Variants in TTYH1 observed in about 807,000 individuals in gnomAD.
TTYH1 encodes the protein protein tweety homolog 1.
TTYH1 carries 33 observed loss-of-function variants against 61.2 expected under a neutral mutation model. The observed-to-expected ratio is 0.54, with a 90% confidence interval of 0.41 to 0.72. The LOEUF (loss-of-function observed/expected upper bound fraction) is 0.72, where lower values mean the gene tolerates loss of function less well. Among genes scored for constraint, TTYH1 ranks in the 30% least tolerant of loss-of-function variants. The pLI is 0.00. For synonymous variants in TTYH1, 308 were observed against 266.4 expected, an observed-to-expected ratio of 1.16 and a Z score of -1.52; for missense variants, 538 against 575.8, an observed-to-expected ratio of 0.93 and a Z score of 0.67.
chr19:54,428,577 C>T (rs189058993), intron 5 of TTYH1, among the ~76,000 whole-genome samples: 5 of 152,210 alleles, frequency 3.3e-5, no homozygotes, highest in Admixed American at 6.5e-5. Flanking sequence ...GGTTGGACCA[C>T]TTGCTCAGGG....
rs1235149968 is a variant in TTYH1, at chr19:54,421,292, C to T, written c.321C>T (p.Ile107=). ...ALLAGCTGIG[I]GFYGNSETSD... is the part of the protein sequence containing the mutation. ...CTCCGCTCAGCACTGGCATTGGCAT[C>T]GGTTTCTATGGCAACAGTGAGACCA... is the stretch of plus-strand genomic sequence containing the variant. Residue 107 remains isoleucine, a synonymous_variant, in exon 3 of 14, where the codon ATC becomes ATT. Transcript: ENST00000376530. This position sits in a 1 kb window ranked among gnomAD's most constrained non-coding sequence, Gnocchi z 4.8. 3.1e-6 allele frequency: 5 copies of T among 1,612,704 alleles called. No homozygotes were observed. Among genetic ancestry groups the T allele is most frequent in the Admixed American group, 1.7e-5 (1 of 59,994 alleles).
At position 54,419,312 on chromosome 19, in the gene TTYH1, G is replaced by C. The variant is rs1273170150; in HGVS notation, c.305+6G>C. 6.3e-7 allele frequency: 1 copy of C among 1,594,216 alleles called. No individual in the cohort carries two copies. The highest frequency in any genetic ancestry group is 1.1e-5 in the South Asian group (1 of 90,456). On this transcript the variant is annotated splice_donor_region_variant and intron_variant, in intron 2 of 13. Coordinates refer to ENST00000376530, the MANE Select transcript of TTYH1 (RefSeq NM_020659.4). The surrounding 1 kb of genome is among the most constrained non-coding windows in gnomAD (Gnocchi z 6.1). Reference sequence around the variant, plus strand: ...GTCGCCCTTCTCGCCGGCTGGTAATGGGGCCCCAGGGTGGGTGGGCGGTGG... The same window carrying C: ...GTCGCCCTTCTCGCCGGCTGGTAATCGGGCCCCAGGGTGGGTGGGCGGTGG...
In TTYH1 at chr19:54,429,386, G is replaced by A. The variant is rs375369782; in HGVS notation, c.807+7G>A. The A allele has an allele frequency of 2.5e-5, 41 of 1,613,334 alleles. No individual in the cohort carries two copies. The highest frequency in any genetic ancestry group is 5.3e-5 in the African/African-American group (4 of 74,912). On this transcript the variant is annotated splice_region_variant and intron_variant, in intron 6 of 13. Transcript: ENST00000376530. The surrounding 1 kb of genome is among the most constrained non-coding windows in gnomAD (Gnocchi z 5.1). ...GGAGGCAGCCACGGCCGTGGTGAGT[G>A]CCAGGGCCGGGCCATTGGGCTCTGG...
Position 54,436,158 on chromosome 19 carries a change from G to A in TTYH1, c.*29G>A, listed in dbSNP as rs1298088379. ...CCTCCTCCCGGCTGGACTGGAGCCT[G>A]GCTCCCCTCTTCGGTGAGCTTCCAA... is the stretch of plus-strand genomic sequence containing the variant. On this transcript the variant is annotated 3_prime_UTR_variant, in exon 13 of 14. Transcript: ENST00000376530. The surrounding 1 kb of genome is among the most constrained non-coding windows in gnomAD (Gnocchi z 4.3). The A allele has an allele frequency of 1.9e-6, 3 of 1,613,962 alleles. No homozygotes were observed. Among genetic ancestry groups the A allele is most frequent in the Admixed American group, 1.7e-5 (1 of 60,000 alleles).
intron 5 of TTYH1, 61 bp downstream of exon 5, chr19:54,426,829 T>G (rs1200119124): frequency 1.4e-6 from 2 of 1,459,284 alleles, no homozygotes; most frequent in Admixed American, 3.4e-5. Context: ...AGGCAGGACC[T>G]CAGTCTTACA....
chr19:54,422,082 C>G (rs1430473605), intron 3 of TTYH1, 108 bp from the exon 4 acceptor site: 1 of 872,496 alleles, frequency 1.1e-6, no homozygotes, highest in African/African-American at 1.7e-5. Context: ...CTCCAGATCT[C>G]AGACACCCGC....
In TTYH1 at chr19:54,429,281, G is replaced by A. The variant is rs756869940; in HGVS notation, c.735-26G>A. 1 of 1,610,998 alleles carries A rather than the reference G, an allele frequency of 6.2e-7. No homozygotes were observed. Among genetic ancestry groups the A allele is most frequent in the Non-Finnish European group, 8.5e-7 (1 of 1,177,310 alleles). ...CTAGGCTAGGAGATTAAGAACCCCG[G>A]GCTGATCCTCCCTCCCCCACTCTAG... On this transcript the variant is annotated intron_variant, in intron 5 of 13. Transcript: ENST00000376530. The surrounding 1 kb of genome is among the most constrained non-coding windows in gnomAD (Gnocchi z 5.1).
chr19:54,434,237 T>TC lies in TTYH1; in HGVS notation c.1126-1303dup, dbSNP rs2083494121. On this transcript the variant is annotated intron_variant, in intron 10 of 13. Transcript: ENST00000376530. This position sits in a 1 kb window ranked among gnomAD's most constrained non-coding sequence, Gnocchi z 4.3. Reference sequence around the variant, plus strand: ...CCCCCTCGCCTACCCCCGTCTGTCCTCCATGCAGCAGCCAGCCAGCCAGGT... The same window carrying TC: ...CCCCCTCGCCTACCCCCGTCTGTCCTCCCATGCAGCAGCCAGCCAGCCAGGT... 1 of 152,508 alleles carries TC rather than the reference T, an allele frequency of 6.6e-6. No homozygotes were observed. The highest frequency in any genetic ancestry group is 2.4e-5 in the African/African-American group (1 of 41,368). 9.4% of individuals were successfully genotyped at this position (152,508 alleles called of 1,614,324 possible). A position where few individuals can be genotyped will look rare whatever the true frequency, so the allele number is the denominator to read the frequency against.
intron 5 of TTYH1, among the ~76,000 whole-genome samples, chr19:54,427,429 C>A (rs1276895921): frequency 3.3e-5 from 5 of 149,868 alleles, no homozygotes; most frequent in Non-Finnish European, 7.4e-5. Flanking sequence ...CACGGTGAAA[C>A]CCCATCTCTA....
At chr19:54,417,923 C>T (rs1012892766) in intron 1 of TTYH1, among the ~76,000 whole-genome samples, 1 of 152,104 alleles carries the variant, frequency 6.6e-6, no homozygotes, top group Non-Finnish European at 1.5e-5. Flanking sequence ...GAGACACACT[C>T]AGGTGCCCCC....
In TTYH1 at chr19:54,416,749, C is replaced by A; in HGVS notation, c.126+1071C>A. Reference sequence around the variant, plus strand: ...TTCCCCGCCTGCTCCTCGCCGCCCCCTCTCCCCACACACGGGGACCGCCGT... The same window carrying A: ...TTCCCCGCCTGCTCCTCGCCGCCCCATCTCCCCACACACGGGGACCGCCGT... On this transcript the variant is annotated intron_variant, in intron 1 of 13. Transcript: ENST00000376530. The surrounding 1 kb of genome is among the most constrained non-coding windows in gnomAD (Gnocchi z 7.0). 2 of 1,291,888 alleles carry A rather than the reference C, an allele frequency of 1.5e-6. No homozygotes were observed. Among genetic ancestry groups the A allele is most frequent in the Non-Finnish European group, 2.0e-6 (2 of 988,458 alleles). The allele number at this position is 1,291,888 out of a possible 1,614,324, so 80.0% of individuals were successfully genotyped here. A position where few individuals can be genotyped will look rare whatever the true frequency, so the allele number is the denominator to read the frequency against.
chr19:54,430,592 A>C lies in TTYH1; in HGVS notation c.926A>C (p.Asn309Thr), dbSNP rs771577867. ...CTCCTCTGCAACCGGGCCGTCTCCA[A>C]CCCCTTCCAACAGGTTAGGGCTGCG... Reference protein sequence around the residue: ...YYLLCNRAVSNPFQQRLTLSQ... With the variant: ...YYLLCNRAVSTPFQQRLTLSQ... Residue 309 changes from asparagine to threonine, a missense_variant, in exon 8 of 14, where the codon AAC becomes ACC. Around this residue, in one of 3 missense-constraint regions of TTYH1, gnomAD observed 378 missense variants for 401.2 expected, o/e 0.94. Coordinates refer to ENST00000376530, the MANE Select transcript of TTYH1 (RefSeq NM_020659.4). 6.5e-6 allele frequency: 10 copies of C among 1,548,366 alleles called. No individual in the cohort carries two copies. The highest frequency in any genetic ancestry group is 1.8e-5 in the Admixed American group (1 of 56,538).
rs200166096 is a variant in TTYH1 at position 54,419,089 on chromosome 19, C to G, written c.127-39C>G. The G allele has an allele frequency of 2.7e-4, 425 of 1,576,664 alleles. 1 individual carries two copies. The African/African-American group carries it at 5.2e-3, about 19-fold the overall frequency. On this transcript the variant is annotated intron_variant, in intron 1 of 13. Transcript: ENST00000376530. The surrounding 1 kb of genome is among the most constrained non-coding windows in gnomAD (Gnocchi z 6.1). ...AAGGGGGATCTGAGTGTGGAACACA[C>G]GGGTGCCCTCGGAGGTCTGATGTCA...
intron 5 of TTYH1, 25 bp downstream of exon 5, chr19:54,426,793 C>A (rs1235092051): frequency 2.5e-6 from 4 of 1,597,468 alleles, no homozygotes; most frequent in East Asian, 2.2e-5. Context: ...TAGGGGGACC[C>A]AGTGCTTGCC....
At chr19:54,427,012 G>T (rs1341839955) in intron 5 of TTYH1, among the ~76,000 whole-genome samples, 1 of 151,960 alleles carries the variant, frequency 6.6e-6, no homozygotes, top group Non-Finnish European at 1.5e-5. Context: ...TAAAGATGAG[G>T]ATGAGGCCAG....
chr19:54,417,652 T>C (rs2122851181), intron 1 of TTYH1, among the ~76,000 whole-genome samples: 1 of 151,566 alleles, frequency 6.6e-6, no homozygotes, highest in African/African-American at 2.4e-5. Context: ...TACACACTCA[T>C]GCATGCACCG....
chr19:54,420,776 C>G lies in TTYH1; in HGVS notation c.306-501C>G, dbSNP rs1178075851. Reference sequence around the variant, plus strand: ...CCAGGAGATGGTGGCAGCTGCCCCCCTTGTACCCTTAGGAACCCCCAGGAG... The same window carrying G: ...CCAGGAGATGGTGGCAGCTGCCCCCGTTGTACCCTTAGGAACCCCCAGGAG... On this transcript the variant is annotated intron_variant, in intron 2 of 13. Transcript: ENST00000376530. This position sits in a 1 kb window ranked among gnomAD's most constrained non-coding sequence, Gnocchi z 4.8. 2.9e-5 allele frequency: 5 copies of G among 175,042 alleles called. No individual in the cohort carries two copies. In the Admixed American group the frequency reaches 3.0e-4, roughly 10 times the overall value. The allele number at this position is 175,042 out of a possible 1,614,324, so 10.8% of individuals were successfully genotyped here. A position where few individuals can be genotyped will look rare whatever the true frequency, so the allele number is the denominator to read the frequency against.
chr19:54,436,240 T>C lies in TTYH1; in HGVS notation c.*42+69T>C, dbSNP rs1410887022. ...GCCCCCCTCCCGCCCTCCGAGCTGCTCCAGGCATGGGCTGCGTGCCTCCTG... is the reference window on the plus strand; with the variant it reads ...GCCCCCCTCCCGCCCTCCGAGCTGCCCCAGGCATGGGCTGCGTGCCTCCTG... On this transcript the variant is annotated intron_variant, in intron 13 of 13. Transcript: ENST00000376530. The surrounding 1 kb of genome is among the most constrained non-coding windows in gnomAD (Gnocchi z 4.3). 1.2e-6 allele frequency: 2 copies of C among 1,607,822 alleles called. No individual in the cohort carries two copies. Among genetic ancestry groups the C allele is most frequent in the African/African-American group, 2.7e-5 (2 of 74,766 alleles).
chr19:54,436,377 C>T lies in TTYH1; in HGVS notation c.*87C>T. 6.2e-7 allele frequency: 1 copy of T among 1,614,108 alleles called. No homozygotes were observed. The highest frequency in any genetic ancestry group is 8.5e-7 in the Non-Finnish European group (1 of 1,179,996). ...AGGAGACCCCACTAACCCAGCCTGC[C>T]TGGGCTCTGACCACTAACACTCTTG... is the stretch of plus-strand genomic sequence containing the variant. On this transcript the variant is annotated 3_prime_UTR_variant, in exon 14 of 14. Transcript: ENST00000376530. The surrounding 1 kb of genome is among the most constrained non-coding windows in gnomAD (Gnocchi z 4.3).
Sources: allele counts gnomAD v4.1 joint callset (sites outside exome capture counted in the v4.1 genomes callset), GRCh38; gene constraint gnomAD v4.1.1; regional missense constraint gnomAD v4.1.1; non-coding constraint Gnocchi (gnomAD v3.1); transcripts MANE v1.5; gene names NCBI Gene and HGNC (gene_info 2026-07-23, HGNC 2026-07-21).